SCUBE1: variants seen among roughly 807,000 people sequenced by gnomAD.
SCUBE1 encodes signal peptide, CUB and EGF-like domain-containing protein 1.
In SCUBE1, 59 loss-of-function variants were observed where a neutral mutation model predicts 124.4. The observed-to-expected ratio is 0.47, with a 90% CI of 0.38 to 0.59. SCUBE1 has a LOEUF of 0.59. Among genes scored for constraint, SCUBE1 ranks in the 20% least tolerant of loss-of-function variants. The pLI is 0.00. For synonymous variants in SCUBE1, 545 were observed against 550.9 expected, an observed-to-expected ratio of 0.99 and a Z score of 0.15; for missense variants, 1,150 against 1,371.2, an observed-to-expected ratio of 0.84 and a Z score of 2.55.
chr22:43,202,764 G>C lies in SCUBE1; in HGVS notation c.*1233C>G, dbSNP rs1569492852. ...ATAGGAAGGAAAGAGGTTTCCCTGTGAATGGGGGTGGCATGGCGTAGCAAG... is the reference window on the plus strand; with the variant it reads ...ATAGGAAGGAAAGAGGTTTCCCTGTCAATGGGGGTGGCATGGCGTAGCAAG... On this transcript the variant is annotated 3_prime_UTR_variant, in exon 22 of 22. Coordinates refer to ENST00000360835, the MANE Select transcript of SCUBE1 (RefSeq NM_173050.5). The C allele has an allele frequency of 6.6e-6, 1 of 152,260 alleles. No individual in the cohort carries two copies. The highest frequency in any genetic ancestry group is 6.5e-5 in the Admixed American group (1 of 15,286). 9.4% of individuals were successfully genotyped at this position (152,260 alleles called of 1,614,324 possible).
chr22:43,205,789 ACC>A (rs1276633894), intron 21 of SCUBE1, among the ~76,000 whole-genome samples: 1 of 30,084 alleles, frequency 3.3e-5, no homozygotes, highest in Non-Finnish European at 5.6e-5. Context: ...CCACACACTC[ACC>A]CCCACACACA....
At chr22:43,317,467 ACTGCTCACGACAACCCTGTGAG>A (rs1926391802) in intron 3 of SCUBE1, among the ~76,000 whole-genome samples, 1 of 152,188 alleles carries the variant, frequency 6.6e-6, no homozygotes, top group African/African-American at 2.4e-5. Flanking sequence ...TATCTCAGTC[ACTGCTCACGACAACCCTGTGAG>A]GAAGCTGCTT....
At position 43,320,014 on chromosome 22, in the gene SCUBE1, C is replaced by T. The variant is rs1926489591; in HGVS notation, c.272G>A (p.Cys91Tyr). Reference protein sequence around the residue: ...DYYNGGCVHECINIPGNYRCT... With the variant: ...DYYNGGCVHEYINIPGNYRCT... Reference sequence around the variant, plus strand: ...CCTGTAGTTCCCCGGGATGTTGATGCACTCGTGGACACAGCCCCCATTGTA... The same window carrying T: ...CCTGTAGTTCCCCGGGATGTTGATGTACTCGTGGACACAGCCCCCATTGTA... Residue 91 changes from cysteine to tyrosine, a missense_variant, in exon 3 of 22, where the codon TGC becomes TAC. This residue lies in a region of SCUBE1 where 337 missense variants were observed against 482.1 expected (regional missense o/e 0.70). Coordinates refer to ENST00000360835, the MANE Select transcript of SCUBE1 (RefSeq NM_173050.5). 6.2e-7 allele frequency: 1 copy of T among 1,614,088 alleles called. No homozygotes were observed. Among genetic ancestry groups the T allele is most frequent in the Admixed American group, 1.7e-5 (1 of 60,006 alleles).
chr22:43,312,836 C>A (rs73886592), intron 3 of SCUBE1, among the ~76,000 whole-genome samples: 2 of 152,074 alleles, frequency 1.3e-5, no homozygotes, highest in Non-Finnish European at 2.9e-5. Context: ...TAGATACAGG[C>A]GTGCATATCT....
chr22:43,290,885 C>T (rs1440001321), intron 4 of SCUBE1, among the ~76,000 whole-genome samples, 161 bp downstream of exon 4: 2 of 152,224 alleles, frequency 1.3e-5, no homozygotes, highest in African/African-American at 2.4e-5. Context: ...GAAGGAGGCC[C>T]ATGCAGAACC....
intron 2 of SCUBE1, among the ~76,000 whole-genome samples, chr22:43,320,869 G>T (rs1029190087): frequency 6.6e-6 from 1 of 152,264 alleles, no homozygotes; most frequent in Non-Finnish European, 1.5e-5. Flanking sequence ...CAAACTCGTG[G>T]GTTTCAGAGC....
At chr22:43,229,249 G>A (rs9623785) in intron 8 of SCUBE1, 61 bp from the exon 9 acceptor site, 16,656 of 1,047,056 alleles carry the variant, frequency 0.016, 285 homozygotes, top group Non-Finnish European at 0.018. Flanking sequence ...GGGTGGGCAC[G>A]GCCTGTCACT....
At chr22:43,280,356 TC>T (rs1924718558) in intron 4 of SCUBE1, among the ~76,000 whole-genome samples, 2 of 148,492 alleles carry the variant, frequency 1.3e-5, no homozygotes, top group East Asian at 4.0e-4. Context: ...CTGCCGAGAG[TC>T]AGCTCACCAA....
intron 5 of SCUBE1, among the ~76,000 whole-genome samples, chr22:43,259,664 G>C (rs1016035586): frequency 6.6e-6 from 1 of 152,200 alleles, no homozygotes; most frequent in South Asian, 2.1e-4. Context: ...CACAGCGGGC[G>C]AGGAGGATGT....
intron 3 of SCUBE1, among the ~76,000 whole-genome samples, chr22:43,308,676 C>A (rs573409009): frequency 3.3e-4 from 50 of 152,318 alleles, no homozygotes; most frequent in African/African-American, 1.2e-3. Flanking sequence ...GGCGCCTGCA[C>A]GGAGCATCTG....
chr22:43,307,721 A>G (rs1926023567), intron 3 of SCUBE1, among the ~76,000 whole-genome samples: 1 of 152,210 alleles, frequency 6.6e-6, no homozygotes, highest in East Asian at 1.9e-4. Flanking sequence ...CCACAGCGTG[A>G]GGCCCCTGCA....
intron 3 of SCUBE1, among the ~76,000 whole-genome samples, chr22:43,316,400 T>C (rs907353812): frequency 6.6e-6 from 1 of 152,224 alleles, no homozygotes; most frequent in Non-Finnish European, 1.5e-5. Flanking sequence ...CTTCACTGAC[T>C]AATCAGAGAC....
intron 3 of SCUBE1, among the ~76,000 whole-genome samples, chr22:43,296,788 G>GGA (rs1329684692): frequency 6.6e-6 from 1 of 152,142 alleles, no homozygotes; most frequent in Non-Finnish European, 1.5e-5. Context: ...GGCAGGCAAG[G>GGA]GAGCTGGGAG....
chr22:43,263,566 C>T (rs1354017991), intron 4 of SCUBE1, among the ~76,000 whole-genome samples: 1 of 152,208 alleles, frequency 6.6e-6, no homozygotes, highest in African/African-American at 2.4e-5. Flanking sequence ...AACCTCCTTC[C>T]CCCGGGACAC....
Position 43,231,787 on chromosome 22 carries a change from G to A in SCUBE1, c.933C>T (p.Gly311=). The A allele has an allele frequency of 6.2e-7, 1 of 1,609,482 alleles. No individual in the cohort carries two copies. Among genetic ancestry groups the A allele is most frequent in the Non-Finnish European group, 8.5e-7 (1 of 1,178,394 alleles). ...TGCGCTCGTCGGTGAGCAGCTTGTA[G>A]CCCTTCCGGCAGCCGCACTCGAAGC... The part of the protein sequence containing the change: ...VGSFECGCRK[G]YKLLTDERTC... The change falls in exon 8 of 22, where the codon GGC becomes GGT. Residue 311 remains glycine (G), a synonymous_variant. Transcript: ENST00000360835.
At chr22:43,292,667 G>A (rs1313921382) in intron 3 of SCUBE1, among the ~76,000 whole-genome samples, 1 of 152,016 alleles carries the variant, frequency 6.6e-6, no homozygotes, top group African/African-American at 2.4e-5. Context: ...CCAAAAGGAT[G>A]TGAAAAGGTA....
rs949981111 is a variant in SCUBE1 at position 43,211,814 on chromosome 22, G to A, written c.2221+611C>T. 2.0e-5 allele frequency among the ~76,000 whole-genome samples: 3 copies of A among 152,218 alleles called. No individual in the cohort carries two copies. The highest frequency in any genetic ancestry group is 4.8e-5 in the African/African-American group (2 of 41,544). On this transcript the variant is annotated intron_variant, in intron 17 of 21. Coordinates refer to ENST00000360835, the MANE Select transcript of SCUBE1 (RefSeq NM_173050.5). This position sits in a 1 kb window ranked among gnomAD's most constrained non-coding sequence, Gnocchi z 4.5. ...GCTGGGATTATAGGTGTGTGCCACC[G>A]CACCTGGCTTCTTTTTTTAAATGGG...
intron 1 of SCUBE1, among the ~76,000 whole-genome samples, chr22:43,340,177 G>A (rs1009746385): frequency 1.2e-4 from 18 of 151,570 alleles, no homozygotes; most frequent in Non-Finnish European, 1.5e-4. Context: ...TGGCTTCCAC[G>A]CCCCCACACC....
chr22:43,234,335 C>T lies in SCUBE1; in HGVS notation c.845-2460G>A, dbSNP rs1922673511. Among the ~76,000 whole-genome samples the T allele has an allele frequency of 1.3e-5, 2 of 152,166 alleles. No individual in the cohort carries two copies. Among genetic ancestry groups the T allele is most frequent in the African/African-American group, 2.4e-5 (1 of 41,436 alleles). On this transcript the variant is annotated intron_variant, in intron 7 of 21. Coordinates refer to ENST00000360835, the MANE Select transcript of SCUBE1 (RefSeq NM_173050.5). The surrounding 1 kb of genome is among the most constrained non-coding windows in gnomAD (Gnocchi z 4.4). ...CTAAATGGTGCCTCTCCTAGCATCG[C>T]CTCTCCCAGCATCCTTAGCAAACTG...
Sources: allele counts gnomAD v4.1 joint callset (sites outside exome capture counted in the v4.1 genomes callset), GRCh38; gene constraint gnomAD v4.1.1; regional missense constraint gnomAD v4.1.1; non-coding constraint Gnocchi (gnomAD v3.1); transcripts MANE v1.5; gene names NCBI Gene and HGNC (gene_info 2026-07-23, HGNC 2026-07-21).